The following ITPR2 variants were observed in gnomAD, a reference collection of about 807,000 sequenced individuals.
ITPR2 encodes the protein inositol 1,4,5-trisphosphate-gated calcium channel ITPR2.
Under a neutral mutation model 317.1 loss-of-function variants are expected in ITPR2, and 207 were observed. The observed-to-expected ratio is 0.65, with a 90% confidence interval of 0.58 to 0.73. The LOEUF (loss-of-function observed/expected upper bound fraction) is 0.73, where lower values mean the gene tolerates loss of function less well. Among genes scored for constraint, ITPR2 ranks in the 30% least tolerant of loss-of-function variants. ITPR2 has a pLI of 0.00. For synonymous variants in ITPR2, 1,156 were observed against 1,149.1 expected (o/e 1.01, Z -0.12); for missense variants, 2,613 against 3,284.0 (o/e 0.80, Z 4.99).
rs71069269 is a variant in ITPR2, at chr12:26,797,682, C to CT, written c.93-7456dup. On this transcript the variant is annotated intron_variant, in intron 1 of 56. Transcript: ENST00000381340. ...AGATTCATAAGCATCATGGAATTGT[C>CT]TTTTTTTTTTTTTTTTTTTTTTTTT... Among the ~76,000 whole-genome samples the CT allele has an allele frequency of 5.7e-3, 410 of 71,908 alleles. 16 individuals are homozygous for CT. The highest frequency in any genetic ancestry group is 8.1e-3 in the Middle Eastern group (1 of 124). 47.2% of individuals were successfully genotyped at this position (71,908 alleles called of 152,430 possible).
chr12:26,833,167 G>A lies in ITPR2; in HGVS notation c.-386C>T. The A allele has an allele frequency of 4.6e-6, 1 of 215,560 alleles. No homozygotes were observed. The highest frequency in any genetic ancestry group is 6.6e-5 in the South Asian group (1 of 15,188). 13.4% of individuals were successfully genotyped at this position (215,560 alleles called of 1,614,324 possible). ...CACTCCCTGCTCTGCGACCCGCTGCGGCCGTCACAGCCGCCCGGCGGGAGC... is the reference window on the plus strand; with the variant it reads ...CACTCCCTGCTCTGCGACCCGCTGCAGCCGTCACAGCCGCCCGGCGGGAGC... On this transcript the variant is annotated 5_prime_UTR_variant, in exon 1 of 57. Coordinates refer to ENST00000381340, the MANE Select transcript of ITPR2 (RefSeq NM_002223.4).
intron 26 of ITPR2, among the ~76,000 whole-genome samples, chr12:26,612,885 G>C (rs1946301107): frequency 6.6e-6 from 1 of 152,146 alleles, no homozygotes; most frequent in Non-Finnish European, 1.5e-5. Flanking sequence ...TATTATTCTT[G>C]AATACATGCT....
chr12:26,628,436 G>T (rs1461161030), intron 22 of ITPR2, among the ~76,000 whole-genome samples: 3 of 152,210 alleles, frequency 2.0e-5, no homozygotes, highest in Non-Finnish European at 2.9e-5. Flanking sequence ...GGCATCGTGG[G>T]GGTCTGGATG....
chr12:26,414,558 A>T (rs79254540), intron 51 of ITPR2, among the ~76,000 whole-genome samples: 7,952 of 152,206 alleles, frequency 0.052, 292 homozygotes, highest in South Asian at 0.17. Flanking sequence ...GGGAGGAGGA[A>T]AAAGAATAAT....
chr12:26,695,999 TAAAC>T (rs1172768446), intron 9 of ITPR2, among the ~76,000 whole-genome samples: 2 of 143,266 alleles, frequency 1.4e-5, no homozygotes, highest in Non-Finnish European at 3.0e-5. Flanking sequence ...AGACACAAAT[TAAAC>T]AAAAAAAACC....
chr12:26,437,856 C>T (rs921164597), intron 47 of ITPR2, among the ~76,000 whole-genome samples: 4 of 152,106 alleles, frequency 2.6e-5, no homozygotes, highest in African/African-American at 7.2e-5. Context: ...GGCTGGAGTG[C>T]AGTGTTGCAA....
chr12:26,507,863 CTGTGTGTG>C lies in ITPR2; in HGVS notation c.5074-12611_5074-12604del, dbSNP rs1555144092. On this transcript the variant is annotated intron_variant, in intron 37 of 56. Transcript: ENST00000381340. ...TCTCTCTACTCTTCTCTCTCTGTCT[CTGTGTGTG>C]TGTGTGTGTGTGTGTGTGTGTGTAT... Among the ~76,000 whole-genome samples, 5 of 132,284 alleles carry C rather than the reference CTGTGTGTG, an allele frequency of 3.8e-5. No homozygotes were observed. In the East Asian group the frequency reaches 6.4e-4, roughly 17 times the overall value. 86.8% of individuals were successfully genotyped at this position (132,284 alleles called of 152,430 possible). A position where few individuals can be genotyped will look rare whatever the true frequency, so the allele number is the denominator to read the frequency against.
At chr12:26,383,493 TG>T (rs1359182000) in intron 55 of ITPR2, among the ~76,000 whole-genome samples, 4 of 151,702 alleles carry the variant, frequency 2.6e-5, no homozygotes, top group African/African-American at 9.7e-5. Flanking sequence ...TTTGTTTGTT[TG>T]TTTTTTTGAG....
intron 32 of ITPR2, among the ~76,000 whole-genome samples, chr12:26,590,432 A>G (rs1324402353): frequency 6.6e-6 from 1 of 152,216 alleles, no homozygotes; most frequent in Non-Finnish European, 1.5e-5. Flanking sequence ...ACATAGACCA[A>G]TGGAACAGAA....
chr12:26,463,115 G>A (rs928131718), intron 45 of ITPR2, among the ~76,000 whole-genome samples: 5 of 151,966 alleles, frequency 3.3e-5, no homozygotes, highest in African/African-American at 1.2e-4. Context: ...TTTTATATTG[G>A]CTTATGTGTT....
At chr12:26,477,343 GT>G (rs1455961297) in intron 43 of ITPR2, among the ~76,000 whole-genome samples, 1 of 151,556 alleles carries the variant, frequency 6.6e-6, no homozygotes, top group East Asian at 1.9e-4. Flanking sequence ...TCATAATGAT[GT>G]TTTAATAAAA....
chr12:26,718,209 C>A (rs571221202), intron 5 of ITPR2, among the ~76,000 whole-genome samples: 6 of 152,306 alleles, frequency 3.9e-5, no homozygotes, highest in East Asian at 1.9e-4. Context: ...CCTCACCCCC[C>A]ACCCCCTGAC....
chr12:26,660,400 T>C (rs1015578310), intron 15 of ITPR2, among the ~76,000 whole-genome samples: 5 of 152,200 alleles, frequency 3.3e-5, no homozygotes, highest in African/African-American at 1.2e-4. Flanking sequence ...AAGCAGCACA[T>C]CTCACACTGC....
At chr12:26,799,907 C>A (rs930643898) in intron 1 of ITPR2, among the ~76,000 whole-genome samples, 1 of 152,188 alleles carries the variant, frequency 6.6e-6, no homozygotes, top group Non-Finnish European at 1.5e-5. Flanking sequence ...TTCTCAATCA[C>A]CTGCAAAGAG....
chr12:26,682,663 CAT>C lies in ITPR2; in HGVS notation c.1157_1158del (p.Tyr386CysfsTer16). The C allele has an allele frequency of 6.2e-7, 1 of 1,608,692 alleles. No individual in the cohort carries two copies. The highest frequency in any genetic ancestry group is 1.1e-5 in the South Asian group (1 of 90,390). ...RADCLVPRNSYVRLRHLCTNT... is the reference protein window; with the variant it reads ...RADCLVPRNSXVRLRHLCTNT... ...TTGGTGCATAAATGCCTTAACCGAACATATGAGTTCCTAAAAGCAAAACAATA... is the reference window on the plus strand; with the variant it reads ...TTGGTGCATAAATGCCTTAACCGAACATGAGTTCCTAAAAGCAAAACAATA... On this transcript the variant is annotated frameshift_variant, in exon 12 of 57. Transcript: ENST00000381340. LOFTEE classifies it high-confidence loss of function.
intron 52 of ITPR2, among the ~76,000 whole-genome samples, chr12:26,403,810 G>A (rs1230183875): frequency 6.6e-6 from 1 of 152,086 alleles, no homozygotes; most frequent in Non-Finnish European, 1.5e-5. Context: ...CAAGTGCCAG[G>A]GACAGAAAGC....
At chr12:26,792,465 C>A (rs913138698) in intron 1 of ITPR2, among the ~76,000 whole-genome samples, 4 of 151,790 alleles carry the variant, frequency 2.6e-5, no homozygotes, top group Admixed American at 1.3e-4. Flanking sequence ...TTGAATACTT[C>A]CAAGGCCAAC....
chr12:26,340,084 G>T, intron 56 of ITPR2, 83 bp downstream of exon 56: 1 of 1,323,438 alleles, frequency 7.6e-7, no homozygotes, highest in Non-Finnish European at 1.0e-6. Flanking sequence ...TAATGACCTG[G>T]CTCCCTGGAC....
rs536606324 is a variant in ITPR2 at position 26,415,415 on chromosome 12, A to G, written c.7194T>C (p.Thr2398=). Reference sequence around the variant, plus strand: ...AGACGAGGATGAGAGCCAGGACTGCAGTTAGAATAATAGAGCGGCCATTTC... The same window carrying G: ...AGACGAGGATGAGAGCCAGGACTGCGGTTAGAATAATAGAGCGGCCATTTC... ...VTRNGRSIIL[T]AVLALILVYL... The change falls in exon 51 of 57, where the codon ACT becomes ACC. Residue 2398 remains threonine, a synonymous_variant. Transcript: ENST00000381340. 2 of 1,613,064 alleles carry G rather than the reference A, an allele frequency of 1.2e-6. No homozygotes were observed. Among genetic ancestry groups the G allele is most frequent in the East Asian group, 4.5e-5 (2 of 44,836 alleles).
Sources: gnomAD v4.1 joint callset for allele counts (sites outside exome capture counted in the v4.1 genomes callset) on GRCh38, gnomAD v4.1.1 for gene constraint, MANE v1.5 for transcripts, NCBI Gene and HGNC (gene_info 2026-07-23, HGNC 2026-07-21) for gene names.